CARMIL1: variants seen among roughly 807,000 people sequenced by gnomAD.
CARMIL1 encodes capping protein regulator and myosin 1 linker 1.
A neutral mutation model predicts 177.1 loss-of-function variants in CARMIL1; 90 were observed. That is an observed-to-expected ratio of 0.51 (90% CI 0.43 to 0.61). CARMIL1 has a LOEUF of 0.61. Ranked by LOEUF, CARMIL1 falls within the 20% of genes least tolerant of loss-of-function variation. CARMIL1 has a pLI of 0.00. For missense variants in CARMIL1, 1,380 were observed against 1,667.0 expected (o/e 0.83, Z 3.00); for synonymous variants, 577 against 606.2 (o/e 0.95, Z 0.71).
At chr6:25,467,801 A>G (rs1800753638) in intron 9 of CARMIL1, among the ~76,000 whole-genome samples, 1 of 152,206 alleles carries the variant, frequency 6.6e-6, no homozygotes, top group African/African-American at 2.4e-5. Context: ...ATATATTTTT[A>G]ATATTTGGTA....
intron 4 of CARMIL1, among the ~76,000 whole-genome samples, chr6:25,434,376 C>T (rs1797052903): frequency 6.6e-6 from 1 of 152,134 alleles, no homozygotes; most frequent in Non-Finnish European, 1.5e-5. Context: ...TCAGTCTCAA[C>T]ATTTTTTGAC....
chr6:25,375,614 T>A (rs559287516), intron 2 of CARMIL1, among the ~76,000 whole-genome samples: 72 of 152,350 alleles, frequency 4.7e-4, no homozygotes, highest in African/African-American at 1.7e-3. Flanking sequence ...TCTCCTTCAG[T>A]AACACCATTG....
At chr6:25,585,351 C>A (rs1191300373) in intron 31 of CARMIL1, among the ~76,000 whole-genome samples, 1 of 152,122 alleles carries the variant, frequency 6.6e-6, no homozygotes, top group Non-Finnish European at 1.5e-5. Context: ...CTTAGCTTTT[C>A]TAGAGTTTGT....
chr6:25,393,748 T>G (rs1476519899), intron 2 of CARMIL1, among the ~76,000 whole-genome samples: 1 of 151,278 alleles, frequency 6.6e-6, no homozygotes, highest in Non-Finnish European at 1.5e-5. Context: ...TCCTAGCTAC[T>G]TGAGAGGCTG....
intron 2 of CARMIL1, among the ~76,000 whole-genome samples, chr6:25,300,787 A>G (rs1012343242): frequency 5.9e-5 from 9 of 152,258 alleles, no homozygotes; most frequent in Non-Finnish European, 1.2e-4. Flanking sequence ...CTGAAGTTTG[A>G]GAAACACTTG....
intron 25 of CARMIL1, 123 bp downstream of exon 25, chr6:25,538,106 A>G (rs889069116): frequency 2.9e-6 from 3 of 1,047,250 alleles, no homozygotes; most frequent in African/African-American, 3.2e-5. Context: ...ACAAGTGGCA[A>G]AGTGAACTGA....
chr6:25,384,615 T>A (rs562688933), intron 2 of CARMIL1, among the ~76,000 whole-genome samples: 4 of 152,354 alleles, frequency 2.6e-5, no homozygotes, highest in African/African-American at 4.8e-5. Context: ...TGTGTTTTTT[T>A]AACAAACATT....
intron 8 of CARMIL1, among the ~76,000 whole-genome samples, chr6:25,458,481 G>A (rs1005476561): frequency 8.1e-5 from 6 of 73,844 alleles, no homozygotes; most frequent in African/African-American, 2.7e-4. Context: ...GCGAGACTCT[G>A]TCTCAAAAAA....
rs975631372 is a variant in CARMIL1 at position 25,313,329 on chromosome 6, C to T, written c.138+28420C>T. Among the ~76,000 whole-genome samples the T allele has an allele frequency of 4.6e-5, 7 of 152,286 alleles. 1 individual carries two copies. In the South Asian group the frequency reaches 1.0e-3, roughly 23 times the overall value. ...GCGCCTGCAGCCTGCCCTGGAAGAA[C>T]GGGTTTCTTCTTCAGATAGAAAGGA... On this transcript the variant is annotated intron_variant, in intron 2 of 36. Transcript: ENST00000329474.
At chr6:25,372,556 G>T (rs780940083) in intron 2 of CARMIL1, among the ~76,000 whole-genome samples, 1 of 152,096 alleles carries the variant, frequency 6.6e-6, no homozygotes, top group Admixed American at 6.6e-5. Context: ...ATTGTTGTTG[G>T]TGTATGGCAG....
At chr6:25,516,763 A>G (rs1003496787) in intron 21 of CARMIL1, among the ~76,000 whole-genome samples, 1 of 152,242 alleles carries the variant, frequency 6.6e-6, no homozygotes, top group African/African-American at 2.4e-5. Context: ...TGTGTTTAAA[A>G]AGCAAACAAA....
chr6:25,373,696 C>T (rs1325193421), intron 2 of CARMIL1, among the ~76,000 whole-genome samples: 2 of 151,890 alleles, frequency 1.3e-5, no homozygotes, highest in Admixed American at 1.3e-4. Flanking sequence ...GATTCTCCTG[C>T]CTCAGCCTTC....
intron 31 of CARMIL1, among the ~76,000 whole-genome samples, chr6:25,587,067 G>A (rs57684963): frequency 0.017 from 2,531 of 148,672 alleles, 65 homozygotes; most frequent in African/African-American, 0.055. Context: ...GGGAGGGAGA[G>A]GGAACCTATT....
intron 2 of CARMIL1, among the ~76,000 whole-genome samples, chr6:25,372,810 T>C (rs976367965): frequency 6.6e-6 from 1 of 152,228 alleles, no homozygotes; most frequent in Non-Finnish European, 1.5e-5. Context: ...GTGGGCATCC[T>C]TGTCTTGTTC....
intron 2 of CARMIL1, among the ~76,000 whole-genome samples, chr6:25,396,927 G>A (rs539840544): frequency 5.4e-4 from 82 of 152,076 alleles, no homozygotes; most frequent in African/African-American, 1.8e-3. Context: ...TCTGATTGCC[G>A]GTCCAGTGTC....
intron 25 of CARMIL1, among the ~76,000 whole-genome samples, chr6:25,539,445 T>C (rs1808667365): frequency 6.6e-6 from 1 of 151,870 alleles, no homozygotes; most frequent in South Asian, 2.1e-4. Flanking sequence ...TCAACTTTCA[T>C]ACCCCAGATG....
chr6:25,413,489 A>G (rs901870094), intron 2 of CARMIL1, among the ~76,000 whole-genome samples: 4 of 152,360 alleles, frequency 2.6e-5, no homozygotes, highest in African/African-American at 7.2e-5. Context: ...AGCAGATTCC[A>G]TAGTTGACCT....
chr6:25,541,592 A>G (rs971331385), intron 26 of CARMIL1, among the ~76,000 whole-genome samples: 1 of 152,148 alleles, frequency 6.6e-6, no homozygotes, highest in African/African-American at 2.4e-5. Context: ...CATCTTCAAC[A>G]ATGCTAAGTT....
intron 2 of CARMIL1, among the ~76,000 whole-genome samples, chr6:25,325,504 C>T (rs1356652930): frequency 6.6e-6 from 1 of 152,150 alleles, no homozygotes; most frequent in African/African-American, 2.4e-5. Flanking sequence ...TCATATGGTA[C>T]TGTTTTGACT....
Sources: allele counts gnomAD v4.1 joint callset (sites outside exome capture counted in the v4.1 genomes callset), GRCh38; gene constraint gnomAD v4.1.1; transcripts MANE v1.5; gene names NCBI Gene and HGNC (gene_info 2026-07-23, HGNC 2026-07-21).